The following ZNF32 variants were observed in gnomAD, a reference collection of about 807,000 sequenced individuals.
ZNF32 encodes the protein zinc finger protein 32, also known as C2H2-546.
ZNF32 carries 13 observed loss-of-function variants against 24.4 expected under a neutral mutation model. The ratio of observed to expected loss-of-function variants is 0.53; its 90% CI spans 0.35 to 0.85. ZNF32 has a LOEUF of 0.85. Among genes scored for constraint, ZNF32 ranks in the 40% least tolerant of loss-of-function variants. ZNF32 has a pLI of 0.01. For synonymous variants in ZNF32, 115 were observed against 117.4 expected (o/e 0.98, Z 0.13); for missense variants, 239 against 325.3 (o/e 0.73, Z 2.04).
chr10:43,646,424 C>G (rs1839292219), intron 1 of ZNF32: 1 of 353,894 alleles, frequency 2.8e-6, no homozygotes, highest in South Asian at 3.4e-5. Flanking sequence ...GCAGAGAACA[C>G]ATAAACATAT....
chr10:43,645,994 CCAGTGCTGAGAACAGGGA>C, intron 2 of ZNF32, 52 bp downstream of exon 2: 1 of 1,594,530 alleles, frequency 6.3e-7, no homozygotes, highest in Non-Finnish European at 8.6e-7. Flanking sequence ...AGACTGCCGA[CCAGTGCTGAGAACAGGGA>C]CACTGAATAT....
intron 1 of ZNF32, chr10:43,647,315 A>C (rs1588856014): frequency 6.6e-6 from 1 of 152,282 alleles, no homozygotes; most frequent in Middle Eastern, 3.4e-3. Flanking sequence ...TCTTGGCCTG[A>C]AGTGACCCTC....
In ZNF32 at chr10:43,644,179, A is replaced by G; in HGVS notation, c.693T>C (p.Asn231=). The change falls in exon 3 of 3, where the codon AAT becomes AAC. Residue 231 remains asparagine, a synonymous_variant. Transcript: ENST00000374433. The surrounding 1 kb of genome is among the most constrained non-coding windows in gnomAD (Gnocchi z 5.3). ...TGTGGATTTTGCCATGCAGAATACA[A>G]TTCCCCCTGGTGTGGAAACTCTTCC... ...QCRKSFHTRG[N]CILHGKIHTG... is the part of the protein sequence containing the mutation. 6.2e-7 allele frequency: 1 copy of G among 1,614,202 alleles called. No individual in the cohort carries two copies. The highest frequency in any genetic ancestry group is 1.7e-5 in the Admixed American group (1 of 60,028).
chr10:43,648,774 C>A, intron 1 of ZNF32, 28 bp downstream of exon 1: 1 of 147,592 alleles, frequency 6.8e-6, no homozygotes, highest in South Asian at 2.3e-4. Context: ...TGCCCCGGCG[C>A]TCTGACCCGG....
At chr10:43,646,610 G>T (rs891709396) in intron 1 of ZNF32, among the ~76,000 whole-genome samples, 2 of 152,162 alleles carry the variant, frequency 1.3e-5, no homozygotes, top group Non-Finnish European at 2.9e-5. Flanking sequence ...TGATTGGTTG[G>T]AGCCAATCAG....
rs1182204035 is a variant in ZNF32, at chr10:43,644,499, G to A, written c.373C>T (p.Arg125Trp). ...RAKGNLVTHQ[R>W]IHTGEKPYQC... is the part of the protein sequence containing the mutation. ...TAAGGCTTCTCTCCCGTGTGTATCC[G>A]TTGATGTGTAACAAGATTGCCTTTG... Residue 125 changes from arginine to tryptophan, a missense_variant, in exon 3 of 3, where the codon CGG becomes TGG. Transcript: ENST00000374433. The surrounding 1 kb of genome is among the most constrained non-coding windows in gnomAD (Gnocchi z 5.3). 2.5e-6 allele frequency: 4 copies of A among 1,614,048 alleles called. No homozygotes were observed. The highest frequency in any genetic ancestry group is 3.4e-6 in the Non-Finnish European group (4 of 1,180,048).
rs781202371 is a variant in ZNF32, at chr10:43,644,041, G to C, written c.*9C>G. On this transcript the variant is annotated 3_prime_UTR_variant, in exon 3 of 3. Transcript: ENST00000374433. The surrounding 1 kb of genome is among the most constrained non-coding windows in gnomAD (Gnocchi z 5.3). ...AATTCATAAAGAGAACTTCTCTTCA[G>C]GAAAGTGGTCAAAGGGTGAGCCTCT... 6.2e-7 allele frequency: 1 copy of C among 1,601,464 alleles called. No homozygotes were observed. The highest frequency in any genetic ancestry group is 8.5e-7 in the Non-Finnish European group (1 of 1,174,554).
Position 43,644,407 on chromosome 10 carries a change from G to A in ZNF32, c.465C>T (p.His155=), listed in dbSNP as rs752241179. The change falls in exon 3 of 3, where the codon CAC becomes CAT. Residue 155 remains histidine, a synonymous_variant. Coordinates refer to ENST00000374433, the MANE Select transcript of ZNF32 (RefSeq NM_006973.3). The surrounding 1 kb of genome is among the most constrained non-coding windows in gnomAD (Gnocchi z 5.3). ...RGSLAVHERL[H]TGQKPYECAI... ...CACACTCGTAGGGTTTCTGTCCAGTGTGGAGTCTCTCGTGGACAGCGAGAC... is the reference window on the plus strand; with the variant it reads ...CACACTCGTAGGGTTTCTGTCCAGTATGGAGTCTCTCGTGGACAGCGAGAC... 3.7e-6 allele frequency: 6 copies of A among 1,614,088 alleles called. No individual in the cohort carries two copies. Among genetic ancestry groups the A allele is most frequent in the Non-Finnish European group, 5.1e-6 (6 of 1,179,966 alleles).
At chr10:43,645,797 C>T in intron 2 of ZNF32, 1 of 460,028 alleles carries the variant, frequency 2.2e-6, no homozygotes, top group South Asian at 5.0e-5. Flanking sequence ...GTTCCCTTGC[C>T]TTATTCAGAG....
chr10:43,645,709 G>T (rs1839263786), intron 2 of ZNF32, among the ~76,000 whole-genome samples: 1 of 151,822 alleles, frequency 6.6e-6, no homozygotes. Flanking sequence ...GAGCCTCCTG[G>T]TGCACTTTAA....
At position 43,644,757 on chromosome 10, in the gene ZNF32, T is replaced by A; in HGVS notation, c.115A>T (p.Thr39Ser). The A allele has an allele frequency of 6.2e-7, 1 of 1,613,042 alleles. No individual in the cohort carries two copies. ...AHHKYDHSEATGSSSWDIQNS... is the reference protein window; with the variant it reads ...AHHKYDHSEASGSSSWDIQNS... ...TGGATATCCCAGCTTGAGGATCCTG[T>A]AGCCTCAGAGTGGTCATATTTGTGG... is the stretch of plus-strand genomic sequence containing the variant. Residue 39 changes from threonine (T) to serine (S), a missense_variant, in exon 3 of 3, where the codon ACA becomes TCA. Thr to Ser is a moderately conservative substitution (Grantham distance 58). Coordinates refer to ENST00000374433, the MANE Select transcript of ZNF32 (RefSeq NM_006973.3). The surrounding 1 kb of genome is among the most constrained non-coding windows in gnomAD (Gnocchi z 5.3).
chr10:43,647,498 T>C (rs1839344625), intron 1 of ZNF32: 1 of 152,244 alleles, frequency 6.6e-6, no homozygotes, highest in South Asian at 2.1e-4. Context: ...ATTTGTCCTA[T>C]CAAAATGCTG....
chr10:43,644,948 G>C lies in ZNF32; in HGVS notation c.71-147C>G. 1 of 919,800 alleles carries C rather than the reference G, an allele frequency of 1.1e-6. No homozygotes were observed. The highest frequency in any genetic ancestry group is 1.6e-6 in the Non-Finnish European group (1 of 628,314). 57.0% of individuals were successfully genotyped at this position (919,800 alleles called of 1,614,324 possible). Reference sequence around the variant, plus strand: ...TGCAATCCTGAAAACAATGCCATGAGAGTGATACAGATAATGGGAGCAAAG... The same window carrying C: ...TGCAATCCTGAAAACAATGCCATGACAGTGATACAGATAATGGGAGCAAAG... On this transcript the variant is annotated intron_variant, in intron 2 of 2. Transcript: ENST00000374433. This position sits in a 1 kb window ranked among gnomAD's most constrained non-coding sequence, Gnocchi z 5.3.
Position 43,644,467 on chromosome 10 carries a change from G to A in ZNF32, c.405C>T (p.Cys135=), listed in dbSNP as rs1839210469. The change falls in exon 3 of 3, where the codon TGC becomes TGT. Residue 135 remains cysteine, a synonymous_variant. Coordinates refer to ENST00000374433, the MANE Select transcript of ZNF32 (RefSeq NM_006973.3). The surrounding 1 kb of genome is among the most constrained non-coding windows in gnomAD (Gnocchi z 5.3). ...GACTGAAGCTTTTCCCACACTCCTT[G>A]CACTGATAAGGCTTCTCTCCCGTGT... is the stretch of plus-strand genomic sequence containing the variant. ...RIHTGEKPYQ[C]KECGKSFSQR... is the part of the protein sequence containing the mutation. 6.2e-7 allele frequency: 1 copy of A among 1,614,162 alleles called. No homozygotes were observed. The highest frequency in any genetic ancestry group is 1.3e-5 in the African/African-American group (1 of 75,050).
Position 43,644,208 on chromosome 10 carries a change from A to T in ZNF32, c.664T>A (p.Cys222Ser). Residue 222 changes from cysteine to serine, a missense_variant, in exon 3 of 3, where the codon TGC (cysteine) becomes AGC (serine). By Grantham distance (112) the Cys-to-Ser change is moderately radical (BLOSUM62 -1). Transcript: ENST00000374433. The surrounding 1 kb of genome is among the most constrained non-coding windows in gnomAD (Gnocchi z 5.3). ...TGLKPYACTQ[C>S]RKSFHTRGNC... ...CCCCTGGTGTGGAAACTCTTCCTGC[A>T]CTGGGTACAGGCATAGGGCTTCAGG... 6.2e-7 allele frequency: 1 copy of T among 1,614,172 alleles called. No homozygotes were observed. Among genetic ancestry groups the T allele is most frequent in the East Asian group, 2.2e-5 (1 of 44,876 alleles).
chr10:43,644,341 A>G lies in ZNF32; in HGVS notation c.531T>C (p.Ala177=). Reference sequence around the variant, plus strand: ...CACCACTGTGAACTCTCCTGTGAACAGCAAGGTTACTCTGATTCCTGAAGC... The same window carrying G: ...CACCACTGTGAACTCTCCTGTGAACGGCAAGGTTACTCTGATTCCTGAAGC... ...QRSFRNQSNL[A]VHRRVHSGEK... The change falls in exon 3 of 3, where the codon GCT becomes GCC. Residue 177 remains alanine (A), a synonymous_variant. Transcript: ENST00000374433. The surrounding 1 kb of genome is among the most constrained non-coding windows in gnomAD (Gnocchi z 5.3). 2.5e-6 allele frequency: 4 copies of G among 1,613,948 alleles called. No individual in the cohort carries two copies. The highest frequency in any genetic ancestry group is 3.4e-6 in the Non-Finnish European group (4 of 1,179,838).
At chr10:43,646,656 G>A (rs1839302915) in intron 1 of ZNF32, among the ~76,000 whole-genome samples, 1 of 152,178 alleles carries the variant, frequency 6.6e-6, no homozygotes, top group Admixed American at 6.5e-5. Context: ...GACTTAACAA[G>A]AGAGTCCATT....
In ZNF32 at chr10:43,646,141, C is replaced by T; in HGVS notation, c.-8G>A. On this transcript the variant is annotated 5_prime_UTR_variant, in exon 2 of 3. Transcript: ENST00000374433. The stretch of plus-strand genomic sequence containing the variant: ...TGTTGGAAATCCAAACATGTCCACT[C>T]CTGCTTACGACCTCAGTCACCACCT... 6.2e-7 allele frequency: 1 copy of T among 1,614,056 alleles called. No individual in the cohort carries two copies. Among genetic ancestry groups the T allele is most frequent in the African/African-American group, 1.3e-5 (1 of 75,050 alleles).
In ZNF32 at chr10:43,643,981, A is replaced by T; in HGVS notation, c.*69T>A. 1.3e-6 allele frequency: 2 copies of T among 1,485,330 alleles called. No homozygotes were observed. The highest frequency in any genetic ancestry group is 1.8e-6 in the Non-Finnish European group (2 of 1,110,894). The allele number at this position is 1,485,330 out of a possible 1,614,324, so 92.0% of individuals were successfully genotyped here. A position where few individuals can be genotyped will look rare whatever the true frequency, so the allele number is the denominator to read the frequency against. ...TTCTCCATTCATTCCATAGAACTGG[A>T]TAGGTTGCTTCATCTCAGAGGATTT... On this transcript the variant is annotated 3_prime_UTR_variant, in exon 3 of 3. Transcript: ENST00000374433.
Sources: allele counts gnomAD v4.1 joint callset (sites outside exome capture counted in the v4.1 genomes callset), GRCh38; gene constraint gnomAD v4.1.1; non-coding constraint Gnocchi (gnomAD v3.1); transcripts MANE v1.5; gene names NCBI Gene and HGNC (gene_info 2026-07-23, HGNC 2026-07-21).